SCYL2: variants seen among roughly 807,000 people sequenced by gnomAD.
SCYL2 encodes SCY1-like protein 2.
SCYL2 carries 36 observed loss-of-function variants against 100.4 expected under a neutral mutation model. The ratio of observed to expected loss-of-function variants is 0.36; its 90% CI spans 0.27 to 0.47. The LOEUF (loss-of-function observed/expected upper bound fraction) is 0.47, where lower values mean the gene tolerates loss of function less well. Among genes scored for constraint, SCYL2 ranks in the 20% least tolerant of loss-of-function variants. SCYL2 has a pLI of 1.00. For synonymous variants in SCYL2, 330 were observed against 359.2 expected, an observed-to-expected ratio of 0.92 and a Z score of 0.92; for missense variants, 902 against 1,083.9, an observed-to-expected ratio of 0.83 and a Z score of 2.36.
intron 1 of SCYL2, among the ~76,000 whole-genome samples, chr12:100,279,176 C>T (rs996362734): frequency 7.9e-5 from 12 of 152,290 alleles, no homozygotes; most frequent in Middle Eastern, 3.4e-3. Context: ...GGATGGGAGG[C>T]TTGGTTTCAG....
intron 1 of SCYL2, among the ~76,000 whole-genome samples, chr12:100,275,177 A>G (rs1479210359): frequency 6.6e-6 from 1 of 152,088 alleles, no homozygotes; most frequent in Admixed American, 6.5e-5. Flanking sequence ...ATTTTCTAGT[A>G]GAAATACATA....
chr12:100,318,492 G>C (rs968475401), intron 10 of SCYL2, among the ~76,000 whole-genome samples: 1 of 151,842 alleles, frequency 6.6e-6, no homozygotes, highest in African/African-American at 2.4e-5. Flanking sequence ...CACCACACCC[G>C]GCTAATTTTT....
At chr12:100,323,339 T>C (rs1176415913) in intron 10 of SCYL2, among the ~76,000 whole-genome samples, 186 bp from the exon 11 acceptor site, 2 of 152,196 alleles carry the variant, frequency 1.3e-5, no homozygotes, top group African/African-American at 4.8e-5. Context: ...TTTTTTCTCA[T>C]CTGTAAGACT....
At chr12:100,300,224 AC>A (rs1452608581) in intron 4 of SCYL2, among the ~76,000 whole-genome samples, 1 of 152,198 alleles carries the variant, frequency 6.6e-6, no homozygotes, top group East Asian at 1.9e-4. Flanking sequence ...TTATTGACTT[AC>A]GTGTGGACAC....
At chr12:100,268,438 A>G (rs2096282531) in intron 1 of SCYL2, among the ~76,000 whole-genome samples, 1 of 152,176 alleles carries the variant, frequency 6.6e-6, no homozygotes, top group Non-Finnish European at 1.5e-5. Flanking sequence ...TTTAGCACAA[A>G]TATTTTTAAA....
At chr12:100,273,264 T>A (rs900298675) in intron 1 of SCYL2, among the ~76,000 whole-genome samples, 3 of 152,164 alleles carry the variant, frequency 2.0e-5, no homozygotes, top group African/African-American at 7.2e-5. Flanking sequence ...GTGATTTTAC[T>A]CCTACAATTC....
intron 1 of SCYL2, among the ~76,000 whole-genome samples, 176 bp downstream of exon 1, chr12:100,267,968 C>T (rs914453821): frequency 6.6e-6 from 1 of 152,082 alleles, no homozygotes; most frequent in Non-Finnish European, 1.5e-5. Context: ...CACGGTTACT[C>T]CTGCAGTCTT....
chr12:100,338,293 G>A (rs1566375154), intron 17 of SCYL2, among the ~76,000 whole-genome samples: 1 of 151,998 alleles, frequency 6.6e-6, no homozygotes, highest in Non-Finnish European at 1.5e-5. Context: ...TTGCTTAATT[G>A]GAGTTTACAG....
rs914359992 is a variant in SCYL2 at position 100,341,154 on chromosome 12, CA to C, written c.*1986del. On this transcript the variant is annotated 3_prime_UTR_variant, in exon 18 of 18. Transcript: ENST00000360820. ...TTGAGGTAATGGTGCTATGTTTTTA[CA>C]AAATTGTTCCTACACCTTTTTTCTA... 1 of 151,978 alleles carries C rather than the reference CA, an allele frequency of 6.6e-6. No homozygotes were observed. Among genetic ancestry groups the C allele is most frequent in the African/African-American group, 2.4e-5 (1 of 41,410 alleles). 9.4% of individuals were successfully genotyped at this position (151,978 alleles called of 1,614,324 possible). A position where few individuals can be genotyped will look rare whatever the true frequency, so the allele number is the denominator to read the frequency against.
At chr12:100,271,249 T>C (rs2096287280) in intron 1 of SCYL2, among the ~76,000 whole-genome samples, 1 of 122,542 alleles carries the variant, frequency 8.2e-6, no homozygotes, top group African/African-American at 3.6e-5. Flanking sequence ...GCCCTGCTCC[T>C]TGCAGAGCAG....
intron 10 of SCYL2, 90 bp downstream of exon 10, chr12:100,318,015 A>G (rs2096351056): frequency 2.5e-6 from 3 of 1,179,078 alleles, no homozygotes; most frequent in African/African-American, 3.1e-5. Flanking sequence ...TTTAAGTCAT[A>G]AAATACATAA....
intron 10 of SCYL2, among the ~76,000 whole-genome samples, chr12:100,322,860 C>CAAA (rs138492576): frequency 1.3e-5 from 1 of 78,896 alleles, no homozygotes; most frequent in African/African-American, 4.6e-5. Flanking sequence ...AACTCCGTCT[C>CAAA]AAAAAAAAAA....
At chr12:100,311,718 C>T (rs1325323293) in intron 5 of SCYL2, among the ~76,000 whole-genome samples, 4 of 152,164 alleles carry the variant, frequency 2.6e-5, no homozygotes, top group African/African-American at 9.7e-5. Context: ...AGAATTTGAA[C>T]GCAGCCTTTC....
intron 13 of SCYL2, among the ~76,000 whole-genome samples, chr12:100,329,693 T>G (rs886938867): frequency 6.6e-6 from 1 of 152,188 alleles, no homozygotes; most frequent in Non-Finnish European, 1.5e-5. Context: ...ATCTCACAGC[T>G]TCTGTGGGTC....
chr12:100,291,733 T>G, intron 3 of SCYL2, 73 bp downstream of exon 3: 1 of 1,392,194 alleles, frequency 7.2e-7, no homozygotes, highest in Non-Finnish European at 9.7e-7. Flanking sequence ...ATTTGAAATC[T>G]GTTTCAAGTA....
intron 10 of SCYL2, among the ~76,000 whole-genome samples, chr12:100,322,372 C>CAAAAAAA (rs34959294): frequency 3.2e-5 from 2 of 61,812 alleles, no homozygotes; most frequent in African/African-American, 5.7e-5. Flanking sequence ...GACTCCGTCT[C>CAAAAAAA]AAAAAAAAAA....
intron 1 of SCYL2, among the ~76,000 whole-genome samples, chr12:100,271,949 A>G (rs541340744): frequency 6.6e-6 from 1 of 152,328 alleles, no homozygotes; most frequent in Admixed American, 6.5e-5. Flanking sequence ...GACTGAAAGA[A>G]TTGCCAGTTC....
rs547600887 is a variant in SCYL2, at chr12:100,308,189, G to A, written c.481-2855G>A. ...TTCTACTATAAAGACACATGCACAC[G>A]TATGTTTATTGCAGCACTATTCACA... On this transcript the variant is annotated intron_variant, in intron 4 of 17. Transcript: ENST00000360820. 1.6e-4 allele frequency among the ~76,000 whole-genome samples: 25 copies of A among 152,232 alleles called. No homozygotes were observed. In the South Asian group the frequency reaches 1.9e-3, roughly 11 times the overall value.
At position 100,327,578 on chromosome 12, in the gene SCYL2, C is replaced by A. The variant is rs533975433; in HGVS notation, c.1642+824C>A. ...CACCCAGGATGGAGTGCAGCGGTGC[C>A]ATCTCAGCTCACTGCAACCTCCGCC... On this transcript the variant is annotated intron_variant, in intron 12 of 17. Coordinates refer to ENST00000360820, the MANE Select transcript of SCYL2 (RefSeq NM_017988.6). Among the ~76,000 whole-genome samples, 4 of 151,630 alleles carry A rather than the reference C, an allele frequency of 2.6e-5. No homozygotes were observed. In the East Asian group the frequency reaches 7.8e-4, roughly 29 times the overall value.
Sources: gnomAD v4.1 joint callset for allele counts (sites outside exome capture counted in the v4.1 genomes callset) on GRCh38, gnomAD v4.1.1 for gene constraint, MANE v1.5 for transcripts, NCBI Gene and HGNC (gene_info 2026-07-23, HGNC 2026-07-21) for gene names.